KCNH8: variants seen among roughly 807,000 people sequenced by gnomAD.
KCNH8 encodes potassium voltage-gated channel subfamily H member 8.
Under a neutral mutation model 103.6 loss-of-function variants are expected in KCNH8, and 70 were observed. The observed-to-expected ratio is 0.68, with a 90% confidence interval of 0.56 to 0.82. KCNH8 has a LOEUF of 0.82. Ranked by LOEUF, KCNH8 falls within the 40% of genes least tolerant of loss-of-function variation. The pLI, the probability that KCNH8 is intolerant of heterozygous loss-of-function variation, is 0.00. For synonymous variants in KCNH8, 498 were observed against 489.4 expected, an observed-to-expected ratio of 1.02 and a Z score of -0.23; for missense variants, 1,217 against 1,329.9, an observed-to-expected ratio of 0.92 and a Z score of 1.32.
intron 1 of KCNH8, among the ~76,000 whole-genome samples, chr3:19,166,027 C>T (rs1245439074): frequency 6.6e-6 from 1 of 152,182 alleles, no homozygotes; most frequent in Non-Finnish European, 1.5e-5. Flanking sequence ...AAGTAAGTCA[C>T]ATGGACAAGC....
intron 2 of KCNH8, among the ~76,000 whole-genome samples, chr3:19,270,016 T>C (rs1016015241): frequency 1.3e-5 from 2 of 152,140 alleles, no homozygotes; most frequent in Non-Finnish European, 2.9e-5. Flanking sequence ...ACTTTGGTAG[T>C]ATATAGTCTT....
intron 1 of KCNH8, among the ~76,000 whole-genome samples, chr3:19,154,036 T>C (rs1161232297): frequency 6.6e-6 from 1 of 152,190 alleles, no homozygotes; most frequent in East Asian, 1.9e-4. Context: ...AATGGGGCAA[T>C]GTAACATGCA....
chr3:19,407,317 A>G (rs2066707062), intron 7 of KCNH8, among the ~76,000 whole-genome samples: 1 of 152,112 alleles, frequency 6.6e-6, no homozygotes, highest in African/African-American at 2.4e-5. Flanking sequence ...TAAATTTACA[A>G]ATGTTGTATT....
chr3:19,391,133 G>A (rs967138616), intron 6 of KCNH8, among the ~76,000 whole-genome samples: 17 of 151,944 alleles, frequency 1.1e-4, no homozygotes, highest in Non-Finnish European at 1.5e-4. Context: ...AAATTCAACC[G>A]CTTCTTAGAA....
chr3:19,377,702 A>C (rs2066230880), intron 5 of KCNH8, among the ~76,000 whole-genome samples: 2 of 152,222 alleles, frequency 1.3e-5, no homozygotes, highest in African/African-American at 2.4e-5. Flanking sequence ...ATTGAAAAAG[A>C]AAAACTTATT....
rs368894907 is a variant in KCNH8 at position 19,359,536 on chromosome 3, C to T, written c.811+11571C>T. Among the ~76,000 whole-genome samples the T allele has an allele frequency of 6.6e-5, 10 of 152,062 alleles. No homozygotes were observed. In the South Asian group the frequency reaches 1.7e-3, roughly 25 times the overall value. ...ATATCGTTTAAGTAGAATTCCTCAA[C>T]CGTGGGACGACTGAAGTTTGGGGCT... On this transcript the variant is annotated intron_variant, in intron 5 of 15. Coordinates refer to ENST00000328405, the MANE Select transcript of KCNH8 (RefSeq NM_144633.3).
intron 11 of KCNH8, among the ~76,000 whole-genome samples, chr3:19,471,243 T>C (rs2067849781): frequency 6.6e-6 from 1 of 152,216 alleles, no homozygotes; most frequent in South Asian, 2.1e-4. Flanking sequence ...TAAATTTGCA[T>C]ATGCACACAC....
At chr3:19,524,293 A>C (rs1198244664) in intron 15 of KCNH8, among the ~76,000 whole-genome samples, 1 of 151,920 alleles carries the variant, frequency 6.6e-6, no homozygotes, top group African/African-American at 2.4e-5. Flanking sequence ...CAATTTTCAA[A>C]GCAAAACATA....
intron 11 of KCNH8, 141 bp from the exon 12 acceptor site, chr3:19,510,222 A>G: frequency 4.7e-6 from 3 of 642,144 alleles, no homozygotes. Flanking sequence ...TGGCCTGCAC[A>G]GGTAGATCCA....
At chr3:19,422,313 A>C (rs995645458) in intron 7 of KCNH8, among the ~76,000 whole-genome samples, 2 of 152,112 alleles carry the variant, frequency 1.3e-5, no homozygotes, top group African/African-American at 4.8e-5. Context: ...TTGTCAACTA[A>C]TCTTCCAAAT....
intron 5 of KCNH8, among the ~76,000 whole-genome samples, chr3:19,368,807 T>A (rs1227181031): frequency 6.6e-6 from 1 of 152,056 alleles, no homozygotes; most frequent in East Asian, 1.9e-4. Flanking sequence ...TTGGCCTAGA[T>A]AAAACAGATG....
At chr3:19,197,631 C>T (rs1424271544) in intron 1 of KCNH8, among the ~76,000 whole-genome samples, 1 of 151,674 alleles carries the variant, frequency 6.6e-6, no homozygotes, top group African/African-American at 2.4e-5. Flanking sequence ...CCTTTCTCTA[C>T]AACCTTGGGC....
chr3:19,170,000 G>A (rs2063325669), intron 1 of KCNH8, among the ~76,000 whole-genome samples: 1 of 152,136 alleles, frequency 6.6e-6, no homozygotes, highest in Non-Finnish European at 1.5e-5. Flanking sequence ...GTTTGGGAAG[G>A]AATCATGTAT....
intron 1 of KCNH8, among the ~76,000 whole-genome samples, chr3:19,150,922 G>A (rs921394979): frequency 6.6e-6 from 1 of 151,986 alleles, no homozygotes; most frequent in Non-Finnish European, 1.5e-5. Context: ...ACTTTGGCAA[G>A]GTTTTGTTTA....
At chr3:19,458,596 T>A (rs1013342649) in intron 11 of KCNH8, among the ~76,000 whole-genome samples, 6 of 152,018 alleles carry the variant, frequency 3.9e-5, no homozygotes, top group Admixed American at 1.3e-4. Context: ...CATTTATTTG[T>A]GGTGAGAACA....
At chr3:19,294,938 G>C (rs1351013142) in intron 3 of KCNH8, among the ~76,000 whole-genome samples, 2 of 152,142 alleles carry the variant, frequency 1.3e-5, no homozygotes, top group Non-Finnish European at 2.9e-5. Context: ...AAAACTTTCT[G>C]AAGCTATTAT....
rs1287290212 is a variant in KCNH8, at chr3:19,456,946, C to T, written c.2004C>T (p.Asp668=). ...AATTCGTGGAAGACATTCAGCATGA[C>T]CTCACATACAACCTCCGAGAAGGTC... The part of the protein sequence containing the change: ...AHKFVEDIQH[D]LTYNLREGHE... The change falls in exon 11 of 16, where the codon GAC becomes GAT. Residue 668 remains aspartate, a synonymous_variant. Coordinates refer to ENST00000328405, the MANE Select transcript of KCNH8 (RefSeq NM_144633.3). 2 of 1,612,042 alleles carry T rather than the reference C, an allele frequency of 1.2e-6. No individual in the cohort carries two copies. Among genetic ancestry groups the T allele is most frequent in the African/African-American group, 2.7e-5 (2 of 74,774 alleles).
At chr3:19,276,986 G>GAT (rs1222028712) in intron 2 of KCNH8, among the ~76,000 whole-genome samples, 5 of 152,068 alleles carry the variant, frequency 3.3e-5, no homozygotes, top group African/African-American at 1.2e-4. Flanking sequence ...GATAAAGTGT[G>GAT]ATATATATAC....
intron 3 of KCNH8, among the ~76,000 whole-genome samples, chr3:19,300,646 C>T (rs1308401038): frequency 6.6e-6 from 1 of 152,066 alleles, no homozygotes; most frequent in Non-Finnish European, 1.5e-5. Context: ...TAACGGTTTA[C>T]AGTTTCTAAT....
Sources: allele counts gnomAD v4.1 joint callset (sites outside exome capture counted in the v4.1 genomes callset), GRCh38; gene constraint gnomAD v4.1.1; transcripts MANE v1.5; gene names NCBI Gene and HGNC (gene_info 2026-07-23, HGNC 2026-07-21).